The following SPG21 variants were observed in gnomAD, a reference collection of about 807,000 sequenced individuals.
SPG21 encodes the protein maspardin.
Under a neutral mutation model 38.9 loss-of-function variants are expected in SPG21, and 26 were observed. The ratio of observed to expected loss-of-function variants is 0.67; its 90% CI spans 0.49 to 0.93. The LOEUF (loss-of-function observed/expected upper bound fraction) is 0.93, where lower values mean the gene tolerates loss of function less well. Ranked by LOEUF, SPG21 falls within the 40% of genes least tolerant of loss-of-function variation. SPG21 has a pLI of 0.00. For missense variants in SPG21, 333 were observed against 376.5 expected, an observed-to-expected ratio of 0.88 and a Z score of 0.96; for synonymous variants, 136 against 128.9, an observed-to-expected ratio of 1.05 and a Z score of -0.37.
rs1376475986 is a variant in SPG21, at chr15:64,963,497, C to A, written c.*123G>T. The A allele has an allele frequency of 1.3e-6, 1 of 765,318 alleles. No individual in the cohort carries two copies. Among genetic ancestry groups the A allele is most frequent in the Non-Finnish European group, 2.3e-6 (1 of 432,686 alleles). 47.4% of individuals were successfully genotyped at this position (765,318 alleles called of 1,614,324 possible). On this transcript the variant is annotated 3_prime_UTR_variant, in exon 9 of 9. Transcript: ENST00000204566. ...TGAAGATGACCATCAGTCCTACTTCCCAGACACAGTGAGAACCGGTGAGCC... is the reference window on the plus strand; with the variant it reads ...TGAAGATGACCATCAGTCCTACTTCACAGACACAGTGAGAACCGGTGAGCC...
chr15:64,976,430 AT>A (rs778345797), intron 4 of SPG21, 44 bp downstream of exon 4: 14 of 1,440,164 alleles, frequency 9.7e-6, no homozygotes, highest in Admixed American at 1.7e-5. Context: ...ATCTCAAAAA[AT>A]AAAAAAAAAA....
chr15:64,963,789 T>G, intron 8 of SPG21, 53 bp from the exon 9 acceptor site: 1 of 1,539,296 alleles, frequency 6.5e-7, no homozygotes, highest in East Asian at 2.3e-5. Flanking sequence ...GGAGTGTCAC[T>G]CTTGTTGCCC....
rs540835851 is a variant in SPG21, at chr15:64,971,332, G to T, written c.453-1110C>A. On this transcript the variant is annotated intron_variant, in intron 5 of 8. Transcript: ENST00000204566. ...AGGTGGGCAGATCACGAGGTCAGGA[G>T]ATTGAGACCATCCTGGCTAACACGG... 3.4e-4 allele frequency among the ~76,000 whole-genome samples: 52 copies of T among 152,042 alleles called. 1 individual carries two copies. Among genetic ancestry groups the T allele is most frequent in the African/African-American group, 1.2e-3 (50 of 41,492 alleles).
At chr15:64,968,907 TA>T (rs761763111) in intron 7 of SPG21, among the ~76,000 whole-genome samples, 36 of 152,270 alleles carry the variant, frequency 2.4e-4, no homozygotes, top group Non-Finnish European at 4.9e-4. Context: ...TTTTTATTTT[TA>T]TTTTTTTTTA....
In SPG21 at chr15:64,963,668, C is replaced by A; in HGVS notation, c.879G>T (p.Glu293Asp). ...AIDPSMVSAE[E>D]LEVQKGSLGI... ...CAAGGCTGCCTTTCTGCACCTCAAG[C>A]TCCTCGGCACTGACCATTGATGGGT... Residue 293 changes from glutamate to aspartate, a missense_variant, in exon 9 of 9, where the codon GAG becomes GAT. Physicochemically the swap from Glu to Asp is conservative, Grantham distance 45 (BLOSUM62 2). Coordinates refer to ENST00000204566, the MANE Select transcript of SPG21 (RefSeq NM_016630.7). 6.2e-7 allele frequency: 1 copy of A among 1,614,188 alleles called. No homozygotes were observed. Among genetic ancestry groups the A allele is most frequent in the South Asian group, 1.1e-5 (1 of 91,088 alleles).
intron 2 of SPG21, chr15:64,981,689 A>G (rs902612823): frequency 6.6e-6 from 1 of 152,034 alleles, no homozygotes; most frequent in South Asian, 2.1e-4. Flanking sequence ...AAAAAAAAAA[A>G]AGGCAAGCTG....
At chr15:64,967,634 C>A (rs963722003) in intron 7 of SPG21, among the ~76,000 whole-genome samples, 1 of 152,090 alleles carries the variant, frequency 6.6e-6, no homozygotes, top group Non-Finnish European at 1.5e-5. Flanking sequence ...CCACCATGCC[C>A]GGCTAATTTT....
intron 4 of SPG21, 124 bp downstream of exon 4, chr15:64,976,351 G>A (rs1049926183): frequency 6.1e-6 from 4 of 653,872 alleles, no homozygotes; most frequent in Non-Finnish European, 1.1e-5. Context: ...CTTGAATCCG[G>A]GAGGTGGAGG....
At position 64,968,436 on chromosome 15, in the gene SPG21, A is replaced by G. The variant is rs77428172; in HGVS notation, c.669+819T>C. 7.6e-3 allele frequency among the ~76,000 whole-genome samples: 1,152 copies of G among 152,070 alleles called. 8 individuals are homozygous for G. Among genetic ancestry groups the G allele is most frequent in the African/African-American group, 0.026 (1,096 of 41,524 alleles). Reference sequence around the variant, plus strand: ...AAACATTATGCTAAGTGAAATGGCCACACAAAAGGATAAATGTTGTATGAT... The same window carrying G: ...AAACATTATGCTAAGTGAAATGGCCGCACAAAAGGATAAATGTTGTATGAT... On this transcript the variant is annotated intron_variant, in intron 7 of 8. Coordinates refer to ENST00000204566, the MANE Select transcript of SPG21 (RefSeq NM_016630.7).
chr15:64,971,060 A>T (rs115818708), intron 5 of SPG21, among the ~76,000 whole-genome samples: 4,014 of 151,932 alleles, frequency 0.026, 98 homozygotes, highest in African/African-American at 0.071. Context: ...TAATTAAAAA[A>T]TTTAAAAAAA....
intron 1 of SPG21, among the ~76,000 whole-genome samples, chr15:64,987,825 A>T (rs2086025503): frequency 6.6e-6 from 1 of 152,160 alleles, no homozygotes; most frequent in South Asian, 2.1e-4. Context: ...ACCTGAGGTC[A>T]GGAGTTCGAG....
chr15:64,985,652 G>A lies in SPG21; in HGVS notation c.-24-2059C>T, dbSNP rs189835007. ...GCACGGCTAACACGAGGTGAGATTC[G>A]TGAGACCTAACTCCCGGGCTGACTC... is the stretch of plus-strand genomic sequence containing the variant. On this transcript the variant is annotated intron_variant, in intron 1 of 8. Coordinates refer to ENST00000204566, the MANE Select transcript of SPG21 (RefSeq NM_016630.7). 8.5e-5 allele frequency among the ~76,000 whole-genome samples: 13 copies of A among 152,310 alleles called. No homozygotes were observed. The East Asian group carries it at 2.3e-3, about 27-fold the overall frequency.
intron 1 of SPG21, among the ~76,000 whole-genome samples, chr15:64,988,146 T>TG (rs2086035096): frequency 2.6e-5 from 4 of 151,572 alleles, no homozygotes. Flanking sequence ...TGCTTGAACC[T>TG]GGGTGGCGGA....
At chr15:64,967,932 T>G (rs1360474993) in intron 7 of SPG21, among the ~76,000 whole-genome samples, 2 of 152,150 alleles carry the variant, frequency 1.3e-5, no homozygotes, top group African/African-American at 4.8e-5. Context: ...ACACCAATGT[T>G]CATAGAAGCA....
intron 5 of SPG21, among the ~76,000 whole-genome samples, chr15:64,972,593 G>A (rs1029613491): frequency 6.6e-5 from 10 of 152,228 alleles, no homozygotes; most frequent in African/African-American, 2.2e-4. Context: ...AGCACTTTGG[G>A]AGGCTGAGGC....
At chr15:64,983,941 G>GC (rs1274930930) in intron 1 of SPG21, among the ~76,000 whole-genome samples, 1 of 151,952 alleles carries the variant, frequency 6.6e-6, no homozygotes, top group Non-Finnish European at 1.5e-5. Flanking sequence ...CCGCCACCAC[G>GC]CCCAACTAAT....
chr15:64,971,198 C>T (rs557726745), intron 5 of SPG21, among the ~76,000 whole-genome samples: 9 of 152,196 alleles, frequency 5.9e-5, no homozygotes, highest in Admixed American at 2.6e-4. Flanking sequence ...GCTGGGACTA[C>T]GGGCTCGTAC....
intron 4 of SPG21, among the ~76,000 whole-genome samples, 193 bp from the exon 5 acceptor site, chr15:64,974,940 C>G (rs1024820307): frequency 6.6e-6 from 1 of 152,090 alleles, no homozygotes; most frequent in Non-Finnish European, 1.5e-5. Context: ...CAAGATAATA[C>G]AACTTGGCAT....
At chr15:64,984,336 A>G (rs895902634) in intron 1 of SPG21, among the ~76,000 whole-genome samples, 8 of 152,002 alleles carry the variant, frequency 5.3e-5, no homozygotes, top group Non-Finnish European at 1.0e-4. Flanking sequence ...TCCACGCTAG[A>G]GAAAGGAGTT....
Sources: gnomAD v4.1 joint callset for allele counts (sites outside exome capture counted in the v4.1 genomes callset) on GRCh38, gnomAD v4.1.1 for gene constraint, MANE v1.5 for transcripts, NCBI Gene and HGNC (gene_info 2026-07-23, HGNC 2026-07-21) for gene names.